PTPRD: variants seen among roughly 807,000 people sequenced by gnomAD.
PTPRD encodes the protein receptor-type tyrosine-protein phosphatase delta.
In PTPRD, 34 loss-of-function variants were observed where a neutral mutation model predicts 214.5. The observed-to-expected ratio is 0.16, with a 90% CI of 0.12 to 0.21. The LOEUF (loss-of-function observed/expected upper bound fraction) is 0.21. PTPRD is among the 10% of genes least tolerant of loss of function. The probability of loss-of-function intolerance (pLI) is 1.00; values close to 1 mark genes in which losing one functional copy is unlikely to be tolerated. For synonymous variants in PTPRD, 1,128 were observed against 845.7 expected (o/e 1.33, Z -5.79); for missense variants, 2,545 against 2,398.7 (o/e 1.06, Z -1.27).
chr9:10,561,845 C>T (rs143874171), intron 2 of PTPRD, among the ~76,000 whole-genome samples: 6 of 152,220 alleles, frequency 3.9e-5, no homozygotes, highest in Non-Finnish European at 7.4e-5. Flanking sequence ...ATCTCCCCCA[C>T]TTATACTATA....
intron 12 of PTPRD, among the ~76,000 whole-genome samples, chr9:8,706,250 T>C (rs1202309246): frequency 6.6e-6 from 1 of 152,208 alleles, no homozygotes; most frequent in African/African-American, 2.4e-5. Context: ...TCTTCTGAAA[T>C]TAGATATAAT....
chr9:10,424,162 A>G (rs1268008271), intron 2 of PTPRD, among the ~76,000 whole-genome samples: 2 of 152,000 alleles, frequency 1.3e-5, no homozygotes, highest in East Asian at 3.9e-4. Context: ...AGACTTTATG[A>G]ATGAAAATAG....
intron 11 of PTPRD, among the ~76,000 whole-genome samples, chr9:8,811,343 A>AC (rs1009306659): frequency 2.0e-5 from 3 of 149,882 alleles, no homozygotes; most frequent in Non-Finnish European, 4.4e-5. Flanking sequence ...AAGTCCATTG[A>AC]CCCCCCTAGG....
chr9:8,535,744 T>C (rs1278311163), intron 14 of PTPRD, among the ~76,000 whole-genome samples: 1 of 151,922 alleles, frequency 6.6e-6, no homozygotes, highest in African/African-American at 2.4e-5. Flanking sequence ...CAAAAGTTTC[T>C]TAACATTCTG....
chr9:9,475,107 T>A (rs1331780560), intron 8 of PTPRD, among the ~76,000 whole-genome samples: 1 of 152,178 alleles, frequency 6.6e-6, no homozygotes, highest in African/African-American at 2.4e-5. Context: ...CCAACTGAAG[T>A]CAGGCAATGG....
intron 8 of PTPRD, among the ~76,000 whole-genome samples, chr9:9,484,729 A>T (rs566801460): frequency 2.6e-5 from 4 of 152,126 alleles, no homozygotes; most frequent in Admixed American, 1.3e-4. Flanking sequence ...TTACGAGGTC[A>T]TATAGGTATT....
At chr9:8,891,906 G>C (rs1206180433) in intron 11 of PTPRD, among the ~76,000 whole-genome samples, 1 of 152,116 alleles carries the variant, frequency 6.6e-6, no homozygotes, top group Non-Finnish European at 1.5e-5. Context: ...TCTTGTATAA[G>C]ACTTAATTTT....
intron 39 of PTPRD, among the ~76,000 whole-genome samples, chr9:8,364,170 A>C (rs1027925471): frequency 1.3e-5 from 2 of 152,246 alleles, no homozygotes; most frequent in African/African-American, 4.8e-5. Context: ...CAAGTGCAAG[A>C]AATAGCACAA....
At chr9:8,556,603 A>G (rs888387400) in intron 14 of PTPRD, among the ~76,000 whole-genome samples, 7 of 151,556 alleles carry the variant, frequency 4.6e-5, no homozygotes, top group African/African-American at 1.7e-4. Flanking sequence ...TTTAATTAAT[A>G]TAACCACACA....
chr9:8,517,200 T>G (rs1206238918), intron 21 of PTPRD, among the ~76,000 whole-genome samples: 1 of 152,026 alleles, frequency 6.6e-6, no homozygotes, highest in Non-Finnish European at 1.5e-5. Context: ...TGATAACCTC[T>G]TAGAAAAATA....
At chr9:8,808,891 G>A (rs1041334044) in intron 11 of PTPRD, among the ~76,000 whole-genome samples, 4 of 152,122 alleles carry the variant, frequency 2.6e-5, no homozygotes, top group South Asian at 2.1e-4. Flanking sequence ...ATTAAGTACC[G>A]CTGACTGAAG....
chr9:8,787,468 G>A (rs2096033723), intron 11 of PTPRD, among the ~76,000 whole-genome samples: 2 of 152,044 alleles, frequency 1.3e-5, no homozygotes, highest in African/African-American at 2.4e-5. Context: ...CAGTTGACAT[G>A]TATAATTTGT....
chr9:8,775,378 C>T (rs1446138837), intron 11 of PTPRD, among the ~76,000 whole-genome samples: 1 of 152,076 alleles, frequency 6.6e-6, no homozygotes, highest in East Asian at 1.9e-4. Context: ...AGTCTTCTTG[C>T]TGTGGACTAG....
chr9:9,094,030 T>A (rs923983527), intron 10 of PTPRD, among the ~76,000 whole-genome samples: 1 of 152,142 alleles, frequency 6.6e-6, no homozygotes, highest in East Asian at 1.9e-4. Context: ...TAAGCTCAAC[T>A]TTATTAACAT....
intron 3 of PTPRD, among the ~76,000 whole-genome samples, chr9:10,066,500 A>G (rs2097887761): frequency 6.6e-6 from 1 of 151,932 alleles, no homozygotes; most frequent in Non-Finnish European, 1.5e-5. Flanking sequence ...TTCAACATGT[A>G]TGACACTTAG....
chr9:8,326,115 G>A (rs1833450963), intron 44 of PTPRD, among the ~76,000 whole-genome samples: 1 of 152,194 alleles, frequency 6.6e-6, no homozygotes, highest in African/African-American at 2.4e-5. Flanking sequence ...TGTTGAATAG[G>A]AGCAGTGAGA....
chr9:9,693,547 A>G (rs1163128600), intron 7 of PTPRD, among the ~76,000 whole-genome samples: 1 of 152,150 alleles, frequency 6.6e-6, no homozygotes, highest in Admixed American at 6.6e-5. Context: ...AAAATGGACT[A>G]ATACAAGATC....
chr9:10,052,088 G>A (rs1003442441), intron 3 of PTPRD, among the ~76,000 whole-genome samples: 3 of 152,064 alleles, frequency 2.0e-5, no homozygotes, highest in Non-Finnish European at 4.4e-5. Context: ...GGGACCACAG[G>A]CAGGTGCCAC....
intron 14 of PTPRD, among the ~76,000 whole-genome samples, chr9:8,621,500 T>C (rs2095823926): frequency 6.6e-6 from 1 of 152,006 alleles, no homozygotes; most frequent in Non-Finnish European, 1.5e-5. Context: ...ACCCCAGTCC[T>C]ACTGGGCAGC....
Sources: allele counts gnomAD v4.1 joint callset (sites outside exome capture counted in the v4.1 genomes callset), GRCh38; gene constraint gnomAD v4.1.1; transcripts MANE v1.5; gene names NCBI Gene and HGNC (gene_info 2026-07-23, HGNC 2026-07-21).